CDC42BPB: variants seen among roughly 807,000 people sequenced by gnomAD.
CDC42BPB encodes the protein CDC42 binding protein kinase beta.
Under a neutral mutation model 214.9 loss-of-function variants are expected in CDC42BPB, and 37 were observed. The observed-to-expected ratio is 0.17, with a 90% confidence interval of 0.13 to 0.23. The LOEUF (loss-of-function observed/expected upper bound fraction) is 0.23. Ranked by LOEUF, CDC42BPB falls within the 10% of genes least tolerant of loss-of-function variation. The pLI, the probability that CDC42BPB is intolerant of heterozygous loss-of-function variation, is 1.00. For synonymous variants in CDC42BPB, 931 were observed against 884.0 expected (o/e 1.05, Z -0.94); for missense variants, 1,694 against 2,227.0 (o/e 0.76, Z 4.82).
rs142584283 is a variant in CDC42BPB at position 102,987,990 on chromosome 14, C to T, written c.597-1410G>A. On this transcript the variant is annotated intron_variant, in intron 5 of 36. Coordinates refer to ENST00000361246, the MANE Select transcript of CDC42BPB (RefSeq NM_006035.4). ...CCCTGTCTCAAAACACAAAAACACA[C>T]GTACACACACAAACACACACGCACG... 2.0e-3 allele frequency among the ~76,000 whole-genome samples: 309 copies of T among 151,986 alleles called. 2 individuals are homozygous for T. Among genetic ancestry groups the T allele is most frequent in the African/African-American group, 7.1e-3 (293 of 41,478 alleles).
At chr14:102,959,216 G>A (rs1393730572) in intron 21 of CDC42BPB, among the ~76,000 whole-genome samples, 1 of 150,766 alleles carries the variant, frequency 6.6e-6, no homozygotes, top group Non-Finnish European at 1.5e-5. Flanking sequence ...AGAATCACTT[G>A]AACCCGGGAG....
intron 5 of CDC42BPB, among the ~76,000 whole-genome samples, chr14:102,998,491 A>C (rs925767820): frequency 2.7e-4 from 41 of 152,346 alleles, no homozygotes; most frequent in African/African-American, 9.6e-4. Context: ...AAATACAAGT[A>C]AAACTAGTTT....
At chr14:103,030,351 A>G (rs145837450) in intron 1 of CDC42BPB, among the ~76,000 whole-genome samples, 1 of 152,392 alleles carries the variant, frequency 6.6e-6, no homozygotes, top group East Asian at 1.9e-4. Context: ...AGTTTGGATA[A>G]CAATGGCTTC....
At chr14:103,011,886 CG>C (rs1290640891) in intron 2 of CDC42BPB, among the ~76,000 whole-genome samples, 1 of 152,074 alleles carries the variant, frequency 6.6e-6, no homozygotes, top group Non-Finnish European at 1.5e-5. Flanking sequence ...GAGGCCGAGG[CG>C]GGGAGATCAC....
At chr14:102,936,402 A>C (rs2139334311) in intron 36 of CDC42BPB, among the ~76,000 whole-genome samples, 1 of 152,322 alleles carries the variant, frequency 6.6e-6, no homozygotes, top group South Asian at 2.1e-4. Flanking sequence ...ATACAAGAGA[A>C]TATTATTTAG....
chr14:103,009,419 G>C (rs1359141720), intron 2 of CDC42BPB, among the ~76,000 whole-genome samples: 1 of 152,150 alleles, frequency 6.6e-6, no homozygotes, highest in African/African-American at 2.4e-5. Context: ...AATCCATCTT[G>C]TACAGATATG....
At chr14:103,034,586 G>A (rs1200109184) in intron 1 of CDC42BPB, among the ~76,000 whole-genome samples, 1 of 152,144 alleles carries the variant, frequency 6.6e-6, no homozygotes, top group Non-Finnish European at 1.5e-5. Context: ...GGCTGAGGCA[G>A]GTGGCTCACA....
chr14:103,036,612 T>A (rs2139727845), intron 1 of CDC42BPB, among the ~76,000 whole-genome samples: 1 of 151,726 alleles, frequency 6.6e-6, no homozygotes, highest in South Asian at 2.1e-4. Context: ...AAAAAAATAA[T>A]AAAAAAAATG....
At position 102,966,310 on chromosome 14, in the gene CDC42BPB, C is replaced by T. The variant is rs1893198579; in HGVS notation, c.2549G>A (p.Arg850Lys). The change falls in exon 18 of 37, where the codon AGG becomes AAG. Residue 850 changes from arginine (R) to lysine (K), a missense_variant. Physicochemically the swap from Arg to Lys is conservative, Grantham distance 26. Transcript: ENST00000361246. ...TGTTCTTGACCCCAGACTAGAACTC[C>T]TCAAAGCCTCGAGCTCTTCGGTCAT... The part of the protein sequence containing the change: ...SKMTEELEAL[R>K]SSSLGSRTLD... 2.5e-6 allele frequency: 4 copies of T among 1,614,038 alleles called. No individual in the cohort carries two copies. The highest frequency in any genetic ancestry group is 1.1e-5 in the South Asian group (1 of 91,070).
intron 1 of CDC42BPB, among the ~76,000 whole-genome samples, chr14:103,029,310 G>C (rs1887217117): frequency 6.6e-6 from 1 of 152,098 alleles, no homozygotes. Context: ...GGGAGGCCGA[G>C]GTGGGTGGAT....
intron 2 of CDC42BPB, among the ~76,000 whole-genome samples, chr14:103,011,803 C>A (rs1886174702): frequency 6.6e-6 from 1 of 152,088 alleles, no homozygotes; most frequent in Non-Finnish European, 1.5e-5. Flanking sequence ...CAACAATCTC[C>A]CAGGTCAGTC....
intron 24 of CDC42BPB, 99 bp from the exon 25 acceptor site, chr14:102,950,701 C>T (rs1892448690): frequency 7.2e-7 from 1 of 1,388,442 alleles, no homozygotes; most frequent in African/African-American, 1.5e-5. Context: ...ATCACCAGGT[C>T]TCGCCTGGAA....
chr14:103,017,468 CTT>C, intron 1 of CDC42BPB, among the ~76,000 whole-genome samples: 1 of 152,188 alleles, frequency 6.6e-6, no homozygotes, highest in Non-Finnish European at 1.5e-5. Flanking sequence ...AAAATGGTGA[CTT>C]TACAGTGAAG....
At chr14:102,994,578 C>T (rs933365899) in intron 5 of CDC42BPB, among the ~76,000 whole-genome samples, 10 of 152,288 alleles carry the variant, frequency 6.6e-5, no homozygotes, top group Middle Eastern at 3.4e-3. Flanking sequence ...AATGGCACAG[C>T]GGGGAGCAGC....
chr14:102,979,473 A>G (rs1893903520), intron 8 of CDC42BPB, among the ~76,000 whole-genome samples: 1 of 152,058 alleles, frequency 6.6e-6, no homozygotes, highest in Admixed American at 6.6e-5. Flanking sequence ...CAGCCTCCCA[A>G]AGTTCTGGGA....
intron 17 of CDC42BPB, 53 bp downstream of exon 17, chr14:102,966,993 C>T (rs912154369): frequency 1.1e-4 from 176 of 1,590,578 alleles, no homozygotes; most frequent in Non-Finnish European, 1.5e-4. Context: ...GGGCAGACCC[C>T]ATGGACTGAG....
intron 1 of CDC42BPB, among the ~76,000 whole-genome samples, chr14:103,014,659 G>GC (rs899800559): frequency 1.3e-5 from 2 of 152,086 alleles, no homozygotes; most frequent in Non-Finnish European, 2.9e-5. Flanking sequence ...CACCACAACT[G>GC]CAAGAGCCAC....
intron 30 of CDC42BPB, among the ~76,000 whole-genome samples, chr14:102,942,694 G>A (rs1279670552): frequency 1.3e-5 from 2 of 152,112 alleles, no homozygotes; most frequent in Non-Finnish European, 2.9e-5. Flanking sequence ...ACAGGCATGT[G>A]GCACCGTGCC....
At chr14:103,053,654 C>T (rs1888765385) in intron 1 of CDC42BPB, among the ~76,000 whole-genome samples, 3 of 149,572 alleles carry the variant, frequency 2.0e-5, no homozygotes, top group Admixed American at 6.7e-5. Flanking sequence ...CCCAGCTACT[C>T]AGGAGGCTGA....
Sources: allele counts gnomAD v4.1 joint callset (sites outside exome capture counted in the v4.1 genomes callset), GRCh38; gene constraint gnomAD v4.1.1; transcripts MANE v1.5; gene names NCBI Gene and HGNC (gene_info 2026-07-23, HGNC 2026-07-21).